DNAJA2: variants seen among roughly 807,000 people sequenced by gnomAD.
The protein encoded by DNAJA2 is dnaJ homolog subfamily A member 2.
A neutral mutation model predicts 49.3 loss-of-function variants in DNAJA2; 6 were observed. The observed-to-expected ratio is 0.12, with a 90% CI of 0.07 to 0.24. The LOEUF is 0.24. DNAJA2 is among the 10% of genes least tolerant of loss of function. The pLI is 1.00. For synonymous variants in DNAJA2, 160 were observed against 172.7 expected (o/e 0.93, Z 0.58); for missense variants, 347 against 516.8 (o/e 0.67, Z 3.19).
Position 46,959,186 on chromosome 16 carries a change from T to C in DNAJA2, c.920-56A>G, listed in dbSNP as rs191585969. The C allele has an allele frequency of 1.1e-4, 170 of 1,572,856 alleles. 3 individuals carry two copies. The East Asian group carries it at 3.2e-3, about 30-fold the overall frequency. ...TTACCCAAAAGAGGTGTTCAATTTT[T>C]TTTAGAGTTATGCAGTATAAAAAAA... On this transcript the variant is annotated intron_variant, in intron 7 of 8. Coordinates refer to ENST00000317089, the MANE Select transcript of DNAJA2 (RefSeq NM_005880.4).
chr16:46,957,588 G>C (rs903481874), intron 8 of DNAJA2, among the ~76,000 whole-genome samples: 1 of 137,908 alleles, frequency 7.3e-6, no homozygotes, highest in Non-Finnish European at 1.6e-5. Context: ...GGGTGACAGA[G>C]CAAGACTCCA....
Position 46,964,714 on chromosome 16 carries a change from C to G in DNAJA2, c.671G>C (p.Gly224Ala). Residue 224 changes from glycine (G) to alanine (A), a missense_variant, in exon 6 of 9, where the codon GGC becomes GCC. By Grantham distance (60) the Gly-to-Ala change is moderately conservative (BLOSUM62 0). Transcript: ENST00000317089. ...TGTAATTCTCTGTCCATGTTTCATG[C>G]CTTTGTCTACGTGGACTTCAAGAAT... The part of the protein sequence containing the change: ...VKILEVHVDK[G>A]MKHGQRITFT... 4 of 1,614,148 alleles carry G rather than the reference C, an allele frequency of 2.5e-6. No individual in the cohort carries two copies. The highest frequency in any genetic ancestry group is 3.4e-6 in the Non-Finnish European group (4 of 1,180,002).
At chr16:46,971,986 A>AT in intron 1 of DNAJA2, 31 bp from the exon 2 acceptor site, 1 of 1,466,894 alleles carries the variant, frequency 6.8e-7, no homozygotes, top group South Asian at 1.1e-5. Context: ...AAAAAAGGTT[A>AT]TAACTAAACA....
At chr16:46,962,936 C>A (rs945881703) in intron 6 of DNAJA2, among the ~76,000 whole-genome samples, 2 of 152,134 alleles carry the variant, frequency 1.3e-5, no homozygotes, top group Non-Finnish European at 2.9e-5. Context: ...CTATTGGATT[C>A]TTAAAGTGAT....
chr16:46,967,213 C>T lies in DNAJA2; in HGVS notation c.577+300G>A, dbSNP rs535035304. ...GCAATCCTCCCGCCTCAGCCTCCCA[C>T]GCAGCTGGGACCACAGACATGCCCT... On this transcript the variant is annotated intron_variant, in intron 5 of 8. Coordinates refer to ENST00000317089, the MANE Select transcript of DNAJA2 (RefSeq NM_005880.4). Among the ~76,000 whole-genome samples, 181 of 152,074 alleles carry T rather than the reference C, an allele frequency of 1.2e-3. 1 individual carries two copies. The highest frequency in any genetic ancestry group is 2.2e-3 in the Non-Finnish European group (149 of 67,984).
In DNAJA2 at chr16:46,966,123, C is replaced by G. The variant is rs1225801133; in HGVS notation, c.578-1316G>C. Among the ~76,000 whole-genome samples the G allele has an allele frequency of 2.0e-5, 3 of 151,972 alleles. 1 individual carries two copies. The highest frequency in any genetic ancestry group is 4.4e-5 in the Non-Finnish European group (3 of 68,008). ...CCTATGGTCTCAGCTAATTGTGGGG[C>G]GAGGGGCTGAGGTGGAAGGATTGCT... On this transcript the variant is annotated intron_variant, in intron 5 of 8. Coordinates refer to ENST00000317089, the MANE Select transcript of DNAJA2 (RefSeq NM_005880.4).
chr16:46,965,460 G>A (rs528625334), intron 5 of DNAJA2, among the ~76,000 whole-genome samples: 1 of 152,294 alleles, frequency 6.6e-6, no homozygotes, highest in South Asian at 2.1e-4. Context: ...TTAGAAAGAA[G>A]TGTATAACTG....
At chr16:46,958,719 C>G in intron 8 of DNAJA2, 1 of 281,428 alleles carries the variant, frequency 3.6e-6, no homozygotes, top group Non-Finnish European at 6.6e-6. Flanking sequence ...GCGGGGGGTA[C>G]AGTGAGCCGA....
chr16:46,966,478 G>A (rs1199490801), intron 5 of DNAJA2, among the ~76,000 whole-genome samples: 1 of 152,164 alleles, frequency 6.6e-6, no homozygotes, highest in Non-Finnish European at 1.5e-5. Context: ...GTAGTCACAG[G>A]TGATTAATGG....
At chr16:46,966,098 C>T (rs1961966048) in intron 5 of DNAJA2, among the ~76,000 whole-genome samples, 1 of 152,026 alleles carries the variant, frequency 6.6e-6, no homozygotes, top group African/African-American at 2.4e-5. Flanking sequence ...GTGGCAAGCA[C>T]CTATGGTCTC....
intron 1 of DNAJA2, chr16:46,972,156 C>G: frequency 1.8e-6 from 1 of 544,342 alleles, no homozygotes; most frequent in Non-Finnish European, 3.2e-6. Flanking sequence ...AGCAGCTATA[C>G]TTGAAAACAG....
At position 46,956,873 on chromosome 16, in the gene DNAJA2, A is replaced by G. The variant is rs2143637217; in HGVS notation, c.*156T>C. ...AAGCTTTGTGGTTAGTTTAAATTAT[A>G]CACTCTGTAGATACTATACCAATTT... is the stretch of plus-strand genomic sequence containing the variant. On this transcript the variant is annotated 3_prime_UTR_variant, in exon 9 of 9. Transcript: ENST00000317089. The G allele has an allele frequency of 2.6e-6, 2 of 761,166 alleles. No homozygotes were observed. The highest frequency in any genetic ancestry group is 5.0e-5 in the East Asian group (2 of 40,402). The allele number at this position is 761,166 out of a possible 1,614,324, so 47.2% of individuals were successfully genotyped here. A position where few individuals can be genotyped will look rare whatever the true frequency, so the allele number is the denominator to read the frequency against.
At chr16:46,958,919 G>C (rs1961856563) in intron 8 of DNAJA2, 84 bp downstream of exon 8, 1 of 1,463,124 alleles carries the variant, frequency 6.8e-7, no homozygotes. Flanking sequence ...ACCCCAGCCT[G>C]GGTGACAGAG....
chr16:46,962,139 T>A (rs1173029155), intron 6 of DNAJA2, among the ~76,000 whole-genome samples: 1 of 152,150 alleles, frequency 6.6e-6, no homozygotes, highest in Non-Finnish European at 1.5e-5. Flanking sequence ...CAGAGATGAG[T>A]TACTTCCCAA....
At chr16:46,965,639 T>C (rs773565698) in intron 5 of DNAJA2, among the ~76,000 whole-genome samples, 17 of 151,678 alleles carry the variant, frequency 1.1e-4, no homozygotes, top group Admixed American at 2.6e-4. Context: ...GAGACCAGCC[T>C]GGCCAACACG....
At position 46,958,953 on chromosome 16, in the gene DNAJA2, C is replaced by T. The variant is rs373330606; in HGVS notation, c.1047+50G>A. On this transcript the variant is annotated intron_variant, in intron 8 of 8. Transcript: ENST00000317089. Reference sequence around the variant, plus strand: ...AGACCCTGTCTAAAAAACCAAAAACCGAACTCCAAACTTGGAAGTCAACTG... The same window carrying T: ...AGACCCTGTCTAAAAAACCAAAAACTGAACTCCAAACTTGGAAGTCAACTG... 9 of 1,548,206 alleles carry T rather than the reference C, an allele frequency of 5.8e-6. No individual in the cohort carries two copies. The African/African-American group carries it at 6.9e-5, about 12-fold the overall frequency.
rs1158585270 is a variant in DNAJA2 at position 46,956,536 on chromosome 16, G to A, written c.*493C>T. The A allele has an allele frequency of 6.6e-6, 1 of 151,492 alleles. No homozygotes were observed. Among genetic ancestry groups the A allele is most frequent in the African/African-American group, 2.4e-5 (1 of 40,974 alleles). 9.4% of individuals were successfully genotyped at this position (151,492 alleles called of 1,614,324 possible). On this transcript the variant is annotated 3_prime_UTR_variant, in exon 9 of 9. Transcript: ENST00000317089. ...TAATTTTTTCCATTGTTCCCAGTCA[G>A]CTCCAAACCCATTGTGTGCAAAGCC...
intron 5 of DNAJA2, among the ~76,000 whole-genome samples, chr16:46,967,250 T>G (rs1961985314): frequency 6.6e-6 from 1 of 151,808 alleles, no homozygotes. Context: ...AGCCCCTCAT[T>G]ACATATTTTT....
intron 6 of DNAJA2, among the ~76,000 whole-genome samples, chr16:46,961,569 G>A (rs143814302): frequency 1.7e-5 from 2 of 116,446 alleles, no homozygotes; most frequent in African/African-American, 6.0e-5. Context: ...GGGTGACAGG[G>A]CAAGACTGTC....
Sources: gnomAD v4.1 joint callset for allele counts (sites outside exome capture counted in the v4.1 genomes callset) on GRCh38, gnomAD v4.1.1 for gene constraint, MANE v1.5 for transcripts, NCBI Gene and HGNC (gene_info 2026-07-23, HGNC 2026-07-21) for gene names.